Variants in PPFIA2 observed in about 807,000 individuals in gnomAD.
PPFIA2 encodes PPFI scaffold protein A2, also known as liprin-alpha-2.
A neutral mutation model predicts 175.5 loss-of-function variants in PPFIA2; 46 were observed. That is an observed-to-expected ratio of 0.26 (90% CI 0.21 to 0.34). The LOEUF is 0.34. Among genes scored for constraint, PPFIA2 ranks in the 10% least tolerant of loss-of-function variants. The pLI is 1.00. For missense variants in PPFIA2, 1,179 were observed against 1,506.1 expected (o/e 0.78, Z 3.60); for synonymous variants, 568 against 511.4 (o/e 1.11, Z -1.49).
chr12:81,322,791 GGACAA>G (rs1238986009), intron 22 of PPFIA2, among the ~76,000 whole-genome samples: 3 of 152,188 alleles, frequency 2.0e-5, no homozygotes, highest in South Asian at 2.1e-4. Context: ...AGGTAAAGAT[GGACAA>G]GACAAGATTT....
chr12:81,731,887 T>A (rs2080961023), intron 3 of PPFIA2, among the ~76,000 whole-genome samples: 1 of 151,586 alleles, frequency 6.6e-6, no homozygotes, highest in South Asian at 2.1e-4. Context: ...CTCTTAAACA[T>A]GAGCTATCAA....
chr12:81,753,706 C>T (rs2084209508), intron 3 of PPFIA2, among the ~76,000 whole-genome samples: 2 of 152,070 alleles, frequency 1.3e-5, no homozygotes, highest in Admixed American at 1.3e-4. Flanking sequence ...TGGTTTTCTA[C>T]CTCCCTAAAA....
At chr12:81,537,012 A>T (rs1473069918) in intron 4 of PPFIA2, among the ~76,000 whole-genome samples, 1 of 151,512 alleles carries the variant, frequency 6.6e-6, no homozygotes. Context: ...TTGATTTATT[A>T]AGTATATACT....
chr12:81,322,264 A>T (rs1258942938), intron 22 of PPFIA2, among the ~76,000 whole-genome samples: 2 of 152,168 alleles, frequency 1.3e-5, no homozygotes, highest in East Asian at 3.9e-4. Context: ...AAAAGAGTGA[A>T]ATTTTCAGGT....
chr12:81,561,926 T>G (rs906021754), intron 4 of PPFIA2, among the ~76,000 whole-genome samples: 12 of 152,202 alleles, frequency 7.9e-5, no homozygotes, highest in South Asian at 4.1e-4. Flanking sequence ...TTTGATGAAG[T>G]TTTACCAAAC....
chr12:81,480,567 T>C (rs1304889944), intron 4 of PPFIA2, among the ~76,000 whole-genome samples: 3 of 152,200 alleles, frequency 2.0e-5, no homozygotes, highest in Non-Finnish European at 2.9e-5. Flanking sequence ...TGGTCTTTGA[T>C]GTTGGTGACC....
At chr12:81,717,841 G>A (rs899703130) in intron 3 of PPFIA2, among the ~76,000 whole-genome samples, 3 of 151,570 alleles carry the variant, frequency 2.0e-5, no homozygotes, top group African/African-American at 7.3e-5. Flanking sequence ...GGAGGGGAAT[G>A]GGGAAGAAGG....
intron 4 of PPFIA2, among the ~76,000 whole-genome samples, chr12:81,470,926 C>T (rs915300176): frequency 1.3e-4 from 20 of 152,084 alleles, no homozygotes; most frequent in African/African-American, 4.8e-4. Flanking sequence ...CCCCCATCTG[C>T]TGGTAACCAA....
At chr12:81,639,794 C>T (rs1158467164) in intron 4 of PPFIA2, among the ~76,000 whole-genome samples, 1 of 151,952 alleles carries the variant, frequency 6.6e-6, no homozygotes, top group East Asian at 1.9e-4. Flanking sequence ...GCATTGATAT[C>T]GCAATACTAA....
chr12:81,754,560 A>C (rs1469504440), intron 2 of PPFIA2, among the ~76,000 whole-genome samples: 1 of 152,096 alleles, frequency 6.6e-6, no homozygotes, highest in East Asian at 1.9e-4. Flanking sequence ...TTATTTCATC[A>C]CCTTTCTTAT....
At chr12:81,569,552 A>G (rs2072071793) in intron 4 of PPFIA2, among the ~76,000 whole-genome samples, 1 of 152,194 alleles carries the variant, frequency 6.6e-6, no homozygotes. Flanking sequence ...AGATTTTTCA[A>G]AATGCATTCA....
At position 81,308,404 on chromosome 12, in the gene PPFIA2, G is replaced by A. The variant is rs546346679; in HGVS notation, c.2643-9022C>T. On this transcript the variant is annotated intron_variant, in intron 22 of 32. Coordinates refer to ENST00000549396, the MANE Select transcript of PPFIA2 (RefSeq NM_003625.5). ...ACACACATTTGCAGATGAGAACACC[G>A]AAGAACAGAGGCCAGTTGGAGTCAT... 9.9e-5 allele frequency among the ~76,000 whole-genome samples: 15 copies of A among 152,144 alleles called. No individual in the cohort carries two copies. In the East Asian group the frequency reaches 1.5e-3, roughly 16 times the overall value.
chr12:81,515,972 T>A (rs1378087985), intron 4 of PPFIA2, among the ~76,000 whole-genome samples: 1 of 36,088 alleles, frequency 2.8e-5, no homozygotes, highest in South Asian at 1.5e-3. Flanking sequence ...GCATGCCAAA[T>A]TTTTTTTTTT....
At chr12:81,610,838 CAG>C (rs1156502612) in intron 4 of PPFIA2, among the ~76,000 whole-genome samples, 4 of 152,156 alleles carry the variant, frequency 2.6e-5, no homozygotes, top group African/African-American at 9.7e-5. Flanking sequence ...TCTTTCTCAT[CAG>C]AGAGTTTTGA....
At chr12:81,294,564 G>T in intron 24 of PPFIA2, 2 of 414,138 alleles carry the variant, frequency 4.8e-6, no homozygotes, top group Admixed American at 8.1e-5. Flanking sequence ...AAAAGAGTAA[G>T]CTCAGGGTCT....
At position 81,384,014 on chromosome 12, in the gene PPFIA2, A is replaced by G; in HGVS notation, c.984+9T>C. On this transcript the variant is annotated intron_variant, in intron 9 of 32. Transcript: ENST00000549396. ...AAATCAAAGACTGAAAGTGGCATGA[A>G]TCACTTACCTCCCTAATGTCCCTTT... 1.3e-6 allele frequency: 2 copies of G among 1,594,596 alleles called. No individual in the cohort carries two copies. Among genetic ancestry groups the G allele is most frequent in the Non-Finnish European group, 1.7e-6 (2 of 1,163,586 alleles).
chr12:81,441,333 G>C (rs552797737), intron 6 of PPFIA2, among the ~76,000 whole-genome samples: 2 of 152,030 alleles, frequency 1.3e-5, no homozygotes, highest in Non-Finnish European at 2.9e-5. Flanking sequence ...TTTAATTCCT[G>C]AAATAGACCT....
chr12:81,486,268 A>G (rs914414590), intron 4 of PPFIA2, among the ~76,000 whole-genome samples: 1 of 151,784 alleles, frequency 6.6e-6, no homozygotes, highest in African/African-American at 2.4e-5. Flanking sequence ...AGTGCCTTAC[A>G]TGCCTTACTG....
chr12:81,303,756 G>A (rs1005912829), intron 22 of PPFIA2, among the ~76,000 whole-genome samples: 1 of 152,028 alleles, frequency 6.6e-6, no homozygotes, highest in Non-Finnish European at 1.5e-5. Flanking sequence ...GCAAACAAAG[G>A]GTGTGCAGTC....
Sources: gnomAD v4.1 joint callset for allele counts (sites outside exome capture counted in the v4.1 genomes callset) on GRCh38, gnomAD v4.1.1 for gene constraint, MANE v1.5 for transcripts, NCBI Gene and HGNC (gene_info 2026-07-23, HGNC 2026-07-21) for gene names.